The following PCDHGA3 variants were observed in gnomAD, a reference collection of about 807,000 sequenced individuals.
PCDHGA3 encodes protocadherin gamma-A3.
In PCDHGA3, 40 loss-of-function variants were observed where a neutral mutation model predicts 58.5. That is an observed-to-expected ratio of 0.68 (90% CI 0.53 to 0.89). The LOEUF is 0.89. Among genes scored for constraint, PCDHGA3 ranks in the 40% least tolerant of loss-of-function variants. PCDHGA3 has a pLI of 0.00. For missense variants in PCDHGA3, 1,223 were observed against 1,195.9 expected, an observed-to-expected ratio of 1.02 and a Z score of -0.33; for synonymous variants, 530 against 525.7, an observed-to-expected ratio of 1.01 and a Z score of -0.11.
chr5:141,393,896 T>C lies in PCDHGA3; in HGVS notation c.2424+47439T>C, dbSNP rs754023896. 3.1e-6 allele frequency: 5 copies of C among 1,613,942 alleles called. No homozygotes were observed. In the East Asian group the frequency reaches 1.1e-4, roughly 36 times the overall value. On this transcript the variant is annotated intron_variant, in intron 1 of 3. Coordinates refer to ENST00000253812, the MANE Select transcript of PCDHGA3 (RefSeq NM_018916.4). Reference sequence around the variant, plus strand: ...TTAGCCCAGTGTTAGAAAATTCTCTTCCCGGGACAGTAATTGCCTTCTTGA... The same window carrying C: ...TTAGCCCAGTGTTAGAAAATTCTCTCCCCGGGACAGTAATTGCCTTCTTGA...
chr5:141,468,528 G>A (rs2154569956), intron 1 of PCDHGA3: 1 of 152,056 alleles, frequency 6.6e-6, no homozygotes, highest in South Asian at 2.1e-4. Context: ...TTTTTTGCAG[G>A]TAGTTTCCTG....
chr5:141,420,311 T>G (rs762191274), intron 1 of PCDHGA3: 1 of 1,454,814 alleles, frequency 6.9e-7, no homozygotes, highest in Non-Finnish European at 9.3e-7. Flanking sequence ...CTTTTTATAT[T>G]ACAATATGCC....
intron 1 of PCDHGA3, chr5:141,421,895 G>T: frequency 2.5e-6 from 4 of 1,613,730 alleles, no homozygotes; most frequent in Non-Finnish European, 3.4e-6. Context: ...GATCCCATCC[G>T]AAAGGGCGCA....
At chr5:141,478,559 A>T (rs938780510) in intron 1 of PCDHGA3, 1 of 1,599,454 alleles carries the variant, frequency 6.3e-7, no homozygotes, top group Non-Finnish European at 8.5e-7. Context: ...AAGGTTTAGC[A>T]AGTCATGCTT....
chr5:141,507,619 G>T (rs1237918589), intron 3 of PCDHGA3, among the ~76,000 whole-genome samples: 22 of 152,256 alleles, frequency 1.4e-4, no homozygotes, highest in Admixed American at 1.4e-3. Context: ...ATATTTAGCT[G>T]TTGTGGCCTT....
Position 141,489,897 on chromosome 5 carries a change from C to G in PCDHGA3, c.2425-4910C>G. ...TGCTTACTGCTGTGGATGGGGGGAC[C>G]CCAGCCCGCTCAGGGACCACCCTTA... is the stretch of plus-strand genomic sequence containing the variant. On this transcript the variant is annotated intron_variant, in intron 1 of 3. Transcript: ENST00000253812. This position sits in a 1 kb window ranked among gnomAD's most constrained non-coding sequence, Gnocchi z 4.5. 1 of 1,614,162 alleles carries G rather than the reference C, an allele frequency of 6.2e-7. No individual in the cohort carries two copies. Among genetic ancestry groups the G allele is most frequent in the Non-Finnish European group, 8.5e-7 (1 of 1,180,016 alleles).
At position 141,418,815 on chromosome 5, in the gene PCDHGA3, T is replaced by C. The variant is rs368396202; in HGVS notation, c.2424+72358T>C. The stretch of plus-strand genomic sequence containing the variant: ...GAAGTAGAAAGATATACGATAAACA[T>C]AGAAGCAAAAGACCGAGGATCTCTC... On this transcript the variant is annotated intron_variant, in intron 1 of 3. Transcript: ENST00000253812. 509 of 1,613,744 alleles carry C rather than the reference T, an allele frequency of 3.2e-4. No homozygotes were observed. The highest frequency in any genetic ancestry group is 4.1e-4 in the Non-Finnish European group (488 of 1,179,804).
At chr5:141,361,332 G>C (rs544332613) in intron 1 of PCDHGA3, 1 of 1,613,934 alleles carries the variant, frequency 6.2e-7, no homozygotes, top group African/African-American at 1.3e-5. Context: ...CTTCCTCAAA[G>C]AACTATTACA....
At chr5:141,363,665 G>T (rs951901062) in intron 1 of PCDHGA3, among the ~76,000 whole-genome samples, 1 of 152,228 alleles carries the variant, frequency 6.6e-6, no homozygotes, top group African/African-American at 2.4e-5. Flanking sequence ...TATTTCTTCT[G>T]CATATGACAG....
Position 141,431,241 on chromosome 5 carries a change from A to T in PCDHGA3, c.2425-63566A>T. On this transcript the variant is annotated intron_variant, in intron 1 of 3. Coordinates refer to ENST00000253812, the MANE Select transcript of PCDHGA3 (RefSeq NM_018916.4). This position sits in a 1 kb window ranked among gnomAD's most constrained non-coding sequence, Gnocchi z 4.8. ...CCTCTACCCCACGCCTGGGATCCGG[A>T]TATCGGGAAGAACTCTCTGCAGAGC... The T allele has an allele frequency of 6.2e-7, 1 of 1,614,138 alleles. No individual in the cohort carries two copies. The highest frequency in any genetic ancestry group is 8.5e-7 in the Non-Finnish European group (1 of 1,180,046).
chr5:141,347,744 G>A (rs78776359), intron 1 of PCDHGA3, among the ~76,000 whole-genome samples: 13,019 of 150,764 alleles, frequency 0.086, 751 homozygotes, highest in Non-Finnish European at 0.13. Context: ...CCAAAATTGG[G>A]CCACTGCACT....
intron 1 of PCDHGA3, chr5:141,365,543 T>C: frequency 6.2e-7 from 1 of 1,613,830 alleles, no homozygotes. Context: ...CTATCACCTA[T>C]TAACAACTAG....
rs753860290 is a variant in PCDHGA3, at chr5:141,344,452, T to C, written c.419T>C (p.Ile140Thr). 6.2e-7 allele frequency: 1 copy of C among 1,613,722 alleles called. No homozygotes were observed. The highest frequency in any genetic ancestry group is 8.5e-7 in the Non-Finnish European group (1 of 1,179,784). Residue 140 changes from isoleucine to threonine, a missense_variant, in exon 1 of 4, where the codon ATA becomes ACA. Coordinates refer to ENST00000253812, the MANE Select transcript of PCDHGA3 (RefSeq NM_018916.4). ...APNFPTEELE[I>T]KIGELTVPGT... Reference sequence around the variant, plus strand: ...AATTTCCCAACAGAGGAATTGGAAATAAAAATTGGTGAACTAACGGTTCCT... The same window carrying C: ...AATTTCCCAACAGAGGAATTGGAAACAAAAATTGGTGAACTAACGGTTCCT...
At chr5:141,427,067 G>A (rs1170378664) in intron 1 of PCDHGA3, 1 of 457,930 alleles carries the variant, frequency 2.2e-6, no homozygotes, top group Non-Finnish European at 4.4e-6. Context: ...CTGTACTAAA[G>A]GTGACAGCCA....
In PCDHGA3 at chr5:141,409,721, G is replaced by A. The variant is rs892686024; in HGVS notation, c.2424+63264G>A. On this transcript the variant is annotated intron_variant, in intron 1 of 3. Transcript: ENST00000253812. ...CCTGGCGGTGTCGTCATACGTGTCA[G>A]TGAGCGCGCAGAGCGGGGTGGTGTT... The A allele has an allele frequency of 6.8e-6, 11 of 1,613,114 alleles. No homozygotes were observed. The highest frequency in any genetic ancestry group is 6.7e-5 in the East Asian group (3 of 44,892).
intron 1 of PCDHGA3, chr5:141,409,411 AC>A (rs1172458730): frequency 6.2e-7 from 1 of 1,614,004 alleles, no homozygotes; most frequent in African/African-American, 1.3e-5. Flanking sequence ...ACTACTACAA[AC>A]TGGTGACAGA....
chr5:141,409,522 G>A (rs371017853), intron 1 of PCDHGA3: 30 of 1,613,874 alleles, frequency 1.9e-5, no homozygotes, highest in Non-Finnish European at 2.3e-5. Flanking sequence ...GCATCACCTT[G>A]TATGTCGCTG....
chr5:141,364,913 G>A (rs1337882112), intron 1 of PCDHGA3: 2 of 1,613,990 alleles, frequency 1.2e-6, no homozygotes, highest in South Asian at 2.2e-5. Context: ...TCCGGAGCTG[G>A]TGTTGGAACA....
At chr5:141,499,247 A>C (rs908111927) in intron 2 of PCDHGA3, among the ~76,000 whole-genome samples, 1 of 152,036 alleles carries the variant, frequency 6.6e-6, no homozygotes, top group Non-Finnish European at 1.5e-5. Flanking sequence ...CTCTGCACAA[A>C]GAGTCTCCAT....
Sources: allele counts gnomAD v4.1 joint callset (sites outside exome capture counted in the v4.1 genomes callset), GRCh38; gene constraint gnomAD v4.1.1; non-coding constraint Gnocchi (gnomAD v3.1); transcripts MANE v1.5; gene names NCBI Gene and HGNC (gene_info 2026-07-23, HGNC 2026-07-21).